The following ZNF385D variants were observed in gnomAD, a reference collection of about 807,000 sequenced individuals.
ZNF385D encodes zinc finger protein 659.
A neutral mutation model predicts 35.8 loss-of-function variants in ZNF385D; 15 were observed. That is an observed-to-expected ratio of 0.42 (90% confidence interval 0.28 to 0.64). The LOEUF (loss-of-function observed/expected upper bound fraction) is 0.64, where lower values mean the gene tolerates loss of function less well. ZNF385D is among the 30% of genes least tolerant of loss of function. The pLI is 0.23. For synonymous variants in ZNF385D, 212 were observed against 186.8 expected, an observed-to-expected ratio of 1.13 and a Z score of -1.10; for missense variants, 474 against 494.6, an observed-to-expected ratio of 0.96 and a Z score of 0.39.
intron 3 of ZNF385D, among the ~76,000 whole-genome samples, chr3:21,990,880 C>A (rs781112894): frequency 1.5e-4 from 23 of 152,202 alleles, no homozygotes; most frequent in Non-Finnish European, 3.1e-4. Context: ...GACAACAAAT[C>A]TTCTGGCAAT....
At chr3:22,031,551 G>GGCAC (rs1355803790) in intron 3 of ZNF385D, among the ~76,000 whole-genome samples, 1 of 152,104 alleles carries the variant, frequency 6.6e-6, no homozygotes, top group Non-Finnish European at 1.5e-5. Context: ...TGAGATGCAG[G>GGCAC]GCACCAAGTC....
At chr3:22,245,814 A>G (rs1430751491) in intron 2 of ZNF385D, among the ~76,000 whole-genome samples, 1 of 152,090 alleles carries the variant, frequency 6.6e-6, no homozygotes, top group Non-Finnish European at 1.5e-5. Flanking sequence ...GCAAGATGAT[A>G]AACTTCCTGG....
At chr3:22,167,218 C>G (rs1301038642) in intron 3 of ZNF385D, among the ~76,000 whole-genome samples, 2 of 152,194 alleles carry the variant, frequency 1.3e-5, no homozygotes, top group African/African-American at 4.8e-5. Context: ...CACCCTTTAC[C>G]TATTTTACAA....
exon 2 of ZNF385D, chr3:22,372,730 T>TGCCTCC (rs1442233180): frequency 6.5e-6 from 1 of 152,702 alleles, no homozygotes; most frequent in Non-Finnish European, 1.5e-5. Context: ...AGCGCGCCTC[T>TGCCTCC]GCCTCCGCCG....
At chr3:22,056,810 G>A (rs1462110146) in intron 3 of ZNF385D, among the ~76,000 whole-genome samples, 1 of 152,194 alleles carries the variant, frequency 6.6e-6, no homozygotes, top group Non-Finnish European at 1.5e-5. Context: ...GCTGGCCTTG[G>A]CTACAGGCTG....
At chr3:21,440,045 A>G (rs1701777071) in intron 4 of ZNF385D, among the ~76,000 whole-genome samples, 1 of 152,106 alleles carries the variant, frequency 6.6e-6, no homozygotes. Flanking sequence ...ATTAATTTTT[A>G]AGTAGTAATG....
chr3:21,593,494 A>C (rs1338810141), intron 2 of ZNF385D, among the ~76,000 whole-genome samples: 1 of 152,150 alleles, frequency 6.6e-6, no homozygotes, highest in African/African-American at 2.4e-5. Flanking sequence ...ACGAGTTTTA[A>C]AAAGAGAAGG....
chr3:21,654,112 G>C (rs1184613397), intron 2 of ZNF385D, among the ~76,000 whole-genome samples: 1 of 151,542 alleles, frequency 6.6e-6, no homozygotes, highest in Non-Finnish European at 1.5e-5. Flanking sequence ...AAAAAAACTT[G>C]AATATAGAAA....
chr3:21,976,943 G>A (rs571236943), intron 3 of ZNF385D, among the ~76,000 whole-genome samples: 3 of 152,162 alleles, frequency 2.0e-5, no homozygotes, highest in Non-Finnish European at 2.9e-5. Flanking sequence ...AGCCCAGATT[G>A]TGCCACTGCA....
chr3:22,189,548 G>A (rs969591180), intron 2 of ZNF385D, among the ~76,000 whole-genome samples: 2 of 151,954 alleles, frequency 1.3e-5, no homozygotes, highest in African/African-American at 4.8e-5. Context: ...GAACCCGAAA[G>A]AGAAGAAAAA....
chr3:21,861,847 A>G (rs1697071485), intron 3 of ZNF385D, among the ~76,000 whole-genome samples: 1 of 152,068 alleles, frequency 6.6e-6, no homozygotes, highest in Non-Finnish European at 1.5e-5. Context: ...AGTACCTAGC[A>G]TTCCCTTGAG....
At chr3:22,114,591 G>C (rs182131229) in intron 3 of ZNF385D, among the ~76,000 whole-genome samples, 8 of 152,206 alleles carry the variant, frequency 5.3e-5, no homozygotes, top group Admixed American at 4.6e-4. Flanking sequence ...GCAGATCACT[G>C]TTGTGAGCAA....
chr3:21,591,769 T>C (rs2125734676), intron 2 of ZNF385D, among the ~76,000 whole-genome samples: 1 of 152,248 alleles, frequency 6.6e-6, no homozygotes. Flanking sequence ...TCTCTCTATA[T>C]CATGTTTTTA....
At chr3:22,003,381 C>T (rs1340681168) in intron 3 of ZNF385D, among the ~76,000 whole-genome samples, 2 of 151,976 alleles carry the variant, frequency 1.3e-5, no homozygotes, top group Non-Finnish European at 2.9e-5. Flanking sequence ...AGGTAAAAGA[C>T]CTCTACAAGG....
chr3:22,369,356 C>T (rs1467959633), intron 2 of ZNF385D, among the ~76,000 whole-genome samples: 2 of 152,094 alleles, frequency 1.3e-5, no homozygotes, highest in Non-Finnish European at 2.9e-5. Context: ...TTACAAGACT[C>T]CCATTGTCAT....
chr3:22,014,459 T>G (rs191958784), intron 3 of ZNF385D, among the ~76,000 whole-genome samples: 119 of 152,190 alleles, frequency 7.8e-4, no homozygotes, highest in Non-Finnish European at 1.4e-3. Flanking sequence ...CCAATCTCAT[T>G]TGTAACATGG....
intron 2 of ZNF385D, among the ~76,000 whole-genome samples, chr3:21,614,483 G>A (rs1329972053): frequency 2.0e-5 from 3 of 152,288 alleles, no homozygotes; most frequent in Middle Eastern, 3.4e-3. Flanking sequence ...GTCCCCTAGG[G>A]GTTCCCTTGA....
chr3:21,450,639 C>T (rs1265047889), intron 4 of ZNF385D, among the ~76,000 whole-genome samples: 1 of 152,112 alleles, frequency 6.6e-6, no homozygotes, highest in African/African-American at 2.4e-5. Flanking sequence ...TATAAAAATA[C>T]AATGCTTTTC....
At chr3:22,110,293 T>G (rs1702446233) in intron 3 of ZNF385D, among the ~76,000 whole-genome samples, 1 of 151,928 alleles carries the variant, frequency 6.6e-6, no homozygotes, top group East Asian at 1.9e-4. Context: ...ACTGGGTATA[T>G]ACCCAAAGGA....
Sources: gnomAD v4.1 joint callset for allele counts (sites outside exome capture counted in the v4.1 genomes callset) on GRCh38, gnomAD v4.1.1 for gene constraint, MANE v1.5 for transcripts, NCBI Gene and HGNC (gene_info 2026-07-23, HGNC 2026-07-21) for gene names.